The following HEATR5A variants were observed in gnomAD, a reference collection of about 807,000 sequenced individuals.
HEATR5A encodes HEAT repeat-containing protein 5A.
Under a neutral mutation model 218.8 loss-of-function variants are expected in HEATR5A, and 178 were observed. That is an observed-to-expected ratio of 0.81 (90% CI 0.72 to 0.92). The LOEUF is 0.92. HEATR5A is among the 40% of genes least tolerant of loss of function. HEATR5A has a pLI of 0.00. For synonymous variants in HEATR5A, 864 were observed against 871.6 expected, an observed-to-expected ratio of 0.99 and a Z score of 0.15; for missense variants, 2,420 against 2,418.9, an observed-to-expected ratio of 1.00 and a Z score of -0.01.
chr14:31,320,376 C>G, intron 25 of HEATR5A: 1 of 966,536 alleles, frequency 1.0e-6, no homozygotes, highest in Non-Finnish European at 1.7e-6. Context: ...AACACCGCTC[C>G]AATGCCAGCC....
At position 31,349,783 on chromosome 14, in the gene HEATR5A, A is replaced by C; in HGVS notation, c.2708+6T>G. The C allele has an allele frequency of 6.3e-7, 1 of 1,598,424 alleles. No individual in the cohort carries two copies. Among genetic ancestry groups the C allele is most frequent in the South Asian group, 1.1e-5 (1 of 90,152 alleles). On this transcript the variant is annotated splice_donor_region_variant and intron_variant, in intron 18 of 35. Coordinates refer to ENST00000543095, the MANE Select transcript of HEATR5A (RefSeq NM_015473.4). ...CCTCTGAATATTAAATAAGAAATTC[A>C]CTTACTTGTCAAAGCTAACTTGAGC...
intron 1 of HEATR5A, among the ~76,000 whole-genome samples, chr14:31,419,877 G>A (rs966292404): frequency 6.6e-6 from 1 of 152,378 alleles, no homozygotes; most frequent in East Asian, 1.9e-4. Context: ...TTCTTTCCTG[G>A]AGAGAACTGC....
intron 6 of HEATR5A, among the ~76,000 whole-genome samples, chr14:31,389,375 T>C (rs187452360): frequency 7.2e-5 from 11 of 152,330 alleles, no homozygotes; most frequent in Non-Finnish European, 1.2e-4. Context: ...TTTTGAAACA[T>C]GGAAAATGCC....
intron 13 of HEATR5A, among the ~76,000 whole-genome samples, chr14:31,366,230 C>T (rs1013743501): frequency 3.3e-5 from 5 of 152,130 alleles, no homozygotes; most frequent in South Asian, 2.1e-4. Flanking sequence ...GCTATGACTG[C>T]GCCACTGCAC....
At chr14:31,366,915 T>C (rs1901824640) in intron 13 of HEATR5A, among the ~76,000 whole-genome samples, 1 of 152,202 alleles carries the variant, frequency 6.6e-6, no homozygotes, top group South Asian at 2.1e-4. Context: ...GGTTACTCTC[T>C]TAATCTGATA....
At chr14:31,334,338 G>T in intron 22 of HEATR5A, 1 of 443,818 alleles carries the variant, frequency 2.3e-6, no homozygotes, top group Non-Finnish European at 4.5e-6. Flanking sequence ...ATTTTATAAG[G>T]CTACAGCTGC....
intron 22 of HEATR5A, among the ~76,000 whole-genome samples, chr14:31,336,768 G>A (rs752551680): frequency 5.3e-5 from 8 of 152,274 alleles, no homozygotes; most frequent in Admixed American, 1.3e-4. Context: ...TGACTGCGGT[G>A]AAAAAACTTG....
At chr14:31,304,800 G>A (rs1899503566) in intron 32 of HEATR5A, 105 bp downstream of exon 32, 2 of 1,095,970 alleles carry the variant, frequency 1.8e-6, no homozygotes, top group Non-Finnish European at 2.6e-6. Flanking sequence ...CAAATGTTTG[G>A]GTCAGCATTC....
At chr14:31,383,943 C>T (rs2030099196) in intron 9 of HEATR5A, among the ~76,000 whole-genome samples, 172 bp from the exon 10 acceptor site, 1 of 151,970 alleles carries the variant, frequency 6.6e-6, no homozygotes, top group African/African-American at 2.4e-5. Flanking sequence ...CATTTTTCTC[C>T]CTTCTCACCA....
intron 22 of HEATR5A, 144 bp from the exon 23 acceptor site, chr14:31,326,486 G>GA: frequency 1.6e-6 from 1 of 629,892 alleles, no homozygotes; most frequent in Non-Finnish European, 2.7e-6. Flanking sequence ...AATCTACTGA[G>GA]ATCCATTTTA....
chr14:31,367,569 A>ATTTTTT lies in HEATR5A; in HGVS notation c.1962-3277_1962-3272dup, dbSNP rs567217496. Among the ~76,000 whole-genome samples the ATTTTTT allele has an allele frequency of 4.6e-4, 28 of 60,312 alleles. 3 individuals are homozygous for ATTTTTT. Among genetic ancestry groups the ATTTTTT allele is most frequent in the African/African-American group, 9.7e-4 (13 of 13,444 alleles). 39.6% of individuals were successfully genotyped at this position (60,312 alleles called of 152,430 possible). A position where few individuals can be genotyped will look rare whatever the true frequency, so the allele number is the denominator to read the frequency against. Reference sequence around the variant, plus strand: ...CATGTGCCACCACTATGCCCAGCTAATTTTTTTTTTTTTTTTTTTTTTTTT... The same window carrying ATTTTTT: ...CATGTGCCACCACTATGCCCAGCTAATTTTTTTTTTTTTTTTTTTTTTTTTTTTTTT... On this transcript the variant is annotated intron_variant, in intron 13 of 35. Coordinates refer to ENST00000543095, the MANE Select transcript of HEATR5A (RefSeq NM_015473.4).
chr14:31,328,655 G>A (rs568796951), intron 22 of HEATR5A, among the ~76,000 whole-genome samples: 1 of 152,260 alleles, frequency 6.6e-6, no homozygotes, highest in South Asian at 2.1e-4. Flanking sequence ...TGAGGCAGGT[G>A]GATCACCTGA....
chr14:31,306,997 T>C, intron 30 of HEATR5A, 118 bp from the exon 31 acceptor site: 1 of 842,894 alleles, frequency 1.2e-6, no homozygotes, highest in Non-Finnish European at 1.8e-6. Context: ...CAAATTGCTT[T>C]AGTGCAATAA....
At chr14:31,309,288 G>T in intron 28 of HEATR5A, 106 bp from the exon 29 acceptor site, 2 of 1,290,326 alleles carry the variant, frequency 1.5e-6, no homozygotes, top group Non-Finnish European at 2.1e-6. Context: ...AAGTTCCCTT[G>T]TACCCTTTTT....
At chr14:31,384,528 C>CTTT (rs202158979) in intron 9 of HEATR5A, among the ~76,000 whole-genome samples, 1 of 136,836 alleles carries the variant, frequency 7.3e-6, no homozygotes, top group Non-Finnish European at 1.6e-5. Context: ...AATTCATATA[C>CTTT]TTTTTTTTTT....
chr14:31,398,767 C>T lies in HEATR5A; in HGVS notation c.353G>A (p.Cys118Tyr). The change falls in exon 4 of 36, where the codon TGT (cysteine) becomes TAT (tyrosine). Residue 118 changes from cysteine to tyrosine, a missense_variant. Physicochemically the swap from Cys to Tyr is radical, Grantham distance 194 (BLOSUM62 -2). Coordinates refer to ENST00000543095, the MANE Select transcript of HEATR5A (RefSeq NM_015473.4). The stretch of plus-strand genomic sequence containing the variant: ...CAACTTCTTGTACAAGGAACCCAAA[C>T]ATACCACAGCAGCACTGAAACAACA... ...YLPTKLAAVV[C>Y]LGSLYKKLGR... The T allele has an allele frequency of 6.6e-7, 1 of 1,521,528 alleles. No homozygotes were observed. Among genetic ancestry groups the T allele is most frequent in the Non-Finnish European group, 8.8e-7 (1 of 1,133,646 alleles). The allele number at this position is 1,521,528 out of a possible 1,614,324, so 94.3% of individuals were successfully genotyped here. A position where few individuals can be genotyped will look rare whatever the true frequency, so the allele number is the denominator to read the frequency against.
At chr14:31,353,588 T>A (rs1229327934) in intron 16 of HEATR5A, among the ~76,000 whole-genome samples, 1 of 151,870 alleles carries the variant, frequency 6.6e-6, no homozygotes, top group East Asian at 1.9e-4. Flanking sequence ...AGAAAAAAAA[T>A]TAGCCAGTGT....
intron 22 of HEATR5A, among the ~76,000 whole-genome samples, chr14:31,330,178 A>G (rs111634784): frequency 0.02 from 3,048 of 152,308 alleles, 91 homozygotes; most frequent in African/African-American, 0.07. Flanking sequence ...ATTTCCATGC[A>G]TCCTCAGAAA....
intron 33 of HEATR5A, among the ~76,000 whole-genome samples, chr14:31,299,002 T>C (rs1218664798): frequency 1.3e-5 from 2 of 152,156 alleles, no homozygotes; most frequent in African/African-American, 4.8e-5. Context: ...TCCCTCTTTA[T>C]TAAAAACTGG....
Sources: gnomAD v4.1 joint callset for allele counts (sites outside exome capture counted in the v4.1 genomes callset) on GRCh38, gnomAD v4.1.1 for gene constraint, MANE v1.5 for transcripts, NCBI Gene and HGNC (gene_info 2026-07-23, HGNC 2026-07-21) for gene names.